The following CATSPERT variants were observed in gnomAD, a reference collection of about 807,000 sequenced individuals.
CATSPERT encodes cation channel sperm-associated targeting subunit tau.
the CATSPERT span, among the ~76,000 whole-genome samples, chr2:201,562,521 TATTTA>T: frequency 8.9e-6 from 1 of 112,138 alleles, no homozygotes; most frequent in African/African-American, 3.1e-5. Context: ...TTTATTTATT[TATTTA>T]TTTTTTTTAT....
the CATSPERT span, among the ~76,000 whole-genome samples, chr2:201,563,469 A>ACC: frequency 0.73 from 50,824 of 69,436 alleles, 16,260 homozygotes; most frequent in African/African-American, 0.75. Context: ...CGGGGGGCTG[A>ACC]CCCCCCACCT....
chr2:201,539,709 C>G, the CATSPERT span, among the ~76,000 whole-genome samples: 19 of 151,920 alleles, frequency 1.3e-4, no homozygotes, highest in African/African-American at 4.6e-4. Context: ...ATCTTTCTTC[C>G]TCTCCTTGGC....
At chr2:201,532,208 A>T in the CATSPERT span, among the ~76,000 whole-genome samples, 1 of 152,232 alleles carries the variant, frequency 6.6e-6, no homozygotes, top group South Asian at 2.1e-4. Flanking sequence ...ATTTATAAGA[A>T]TATAAACTCC....
the CATSPERT span, chr2:201,603,083 T>C: frequency 1.6e-6 from 1 of 624,286 alleles, no homozygotes; most frequent in Non-Finnish European, 2.6e-6. Context: ...AAGAAGCAAA[T>C]AGTGAATGAA....
At chr2:201,536,899 T>C in the CATSPERT span, among the ~76,000 whole-genome samples, 28 of 152,012 alleles carry the variant, frequency 1.8e-4, no homozygotes, top group Admixed American at 5.2e-4. Flanking sequence ...GACCCAGGAA[T>C]GGAAATCATT....
the CATSPERT span, among the ~76,000 whole-genome samples, chr2:201,616,426 C>A: frequency 6.6e-6 from 1 of 152,144 alleles, no homozygotes; most frequent in African/African-American, 2.4e-5. Context: ...TAAACATAAT[C>A]CAGCATATAA....
the CATSPERT span, among the ~76,000 whole-genome samples, chr2:201,589,340 A>G: frequency 1.3e-5 from 2 of 152,162 alleles, no homozygotes; most frequent in Non-Finnish European, 2.9e-5. Flanking sequence ...GCATCACACT[A>G]CCCAACTTCA....
chr2:201,562,540 T>A, the CATSPERT span, among the ~76,000 whole-genome samples: 22 of 149,844 alleles, frequency 1.5e-4, no homozygotes, highest in Non-Finnish European at 2.5e-4. Flanking sequence ...TTTTTATTGA[T>A]CATTCTTGGG....
chr2:201,515,202 G>GTTTTTTTTTTTTTTTTTTTTTT, the CATSPERT span, among the ~76,000 whole-genome samples: 11 of 24,656 alleles, frequency 4.5e-4, 3 homozygotes, highest in African/African-American at 1.2e-3. Context: ...TCTGCCCATA[G>GTTTTTTTTTTTTTTTTTTTTTT]TTTTTTTTTT....
chr2:201,595,913 A>G, the CATSPERT span, among the ~76,000 whole-genome samples: 2 of 30,850 alleles, frequency 6.5e-5, no homozygotes, highest in Admixed American at 4.8e-4. Context: ...ACTCAAAAAA[A>G]AAAAAAAAAA....
At chr2:201,598,919 G>A in the CATSPERT span, among the ~76,000 whole-genome samples, 1 of 152,024 alleles carries the variant, frequency 6.6e-6, no homozygotes, top group African/African-American at 2.4e-5. Flanking sequence ...CATTTCCCTT[G>A]CCCTAAATTA....
the CATSPERT span, among the ~76,000 whole-genome samples, chr2:201,572,692 G>A: frequency 6.6e-6 from 1 of 151,720 alleles, no homozygotes; most frequent in Non-Finnish European, 1.5e-5. Flanking sequence ...AACAATTAGG[G>A]GTCCCTATAA....
At chr2:201,532,023 C>T in the CATSPERT span, among the ~76,000 whole-genome samples, 2 of 152,256 alleles carry the variant, frequency 1.3e-5, no homozygotes, top group Admixed American at 1.3e-4. Context: ...TTATAGCAGA[C>T]AGGAGAGATG....
chr2:201,527,244 A>G, the CATSPERT span, among the ~76,000 whole-genome samples: 1 of 152,190 alleles, frequency 6.6e-6, no homozygotes, highest in South Asian at 2.1e-4. Context: ...AAACACTGCT[A>G]AAAGAAATCA....
chr2:201,596,151 A>G, the CATSPERT span, among the ~76,000 whole-genome samples: 1 of 152,226 alleles, frequency 6.6e-6, no homozygotes, highest in Non-Finnish European at 1.5e-5. Context: ...CACCATTCAC[A>G]AGGACAAAGA....
chr2:201,509,704 C>T, the CATSPERT span, among the ~76,000 whole-genome samples: 18 of 151,024 alleles, frequency 1.2e-4, no homozygotes, highest in African/African-American at 4.0e-4. Context: ...TATTTTCATG[C>T]TTAGAAATTT....
the CATSPERT span, chr2:201,566,003 G>T: frequency 2.7e-6 from 2 of 741,408 alleles, no homozygotes; most frequent in Non-Finnish European, 3.9e-6. Flanking sequence ...GCCATCGAAG[G>T]CTAGAGCTAG....
At chr2:201,520,501 C>T in the CATSPERT span, among the ~76,000 whole-genome samples, 57 of 152,212 alleles carry the variant, frequency 3.7e-4, no homozygotes, top group East Asian at 0.011. Flanking sequence ...ATGTAGAAAT[C>T]AGTAAGATAA....
At chr2:201,603,302 A>T in the CATSPERT span, 23 of 1,598,614 alleles carry the variant, frequency 1.4e-5, no homozygotes, top group Non-Finnish European at 1.9e-5. Flanking sequence ...AAAAACACAG[A>T]CAGTGAATGC....
Sources: gnomAD v4.1 joint callset for allele counts (sites outside exome capture counted in the v4.1 genomes callset) on GRCh38, gnomAD v4.1.1 for gene constraint, MANE v1.5 for transcripts, NCBI Gene and HGNC (gene_info 2026-07-23, HGNC 2026-07-21) for gene names.